ZSCAN25: variants seen among roughly 807,000 people sequenced by gnomAD.
The protein encoded by ZSCAN25 is zinc finger and SCAN domain-containing protein 25.
In ZSCAN25, 27 loss-of-function variants were observed where a neutral mutation model predicts 38.7. The observed-to-expected ratio is 0.70, with a 90% CI of 0.51 to 0.96. The LOEUF is 0.96. Ranked by LOEUF, ZSCAN25 falls within the 40% of genes least tolerant of loss-of-function variation. ZSCAN25 has a pLI of 0.00. For synonymous variants in ZSCAN25, 273 were observed against 277.7 expected, an observed-to-expected ratio of 0.98 and a Z score of 0.17; for missense variants, 637 against 705.9, an observed-to-expected ratio of 0.90 and a Z score of 1.11.
the ZSCAN25 span, among the ~76,000 whole-genome samples, chr7:99,688,485 G>A: frequency 1.3e-5 from 2 of 152,112 alleles, no homozygotes; most frequent in African/African-American, 4.8e-5. Context: ...TCCTAAATAT[G>A]TATGCACCCA....
At chr7:99,672,492 T>C in the ZSCAN25 span, 1 of 1,172,478 alleles carries the variant, frequency 8.5e-7, no homozygotes, top group Non-Finnish European at 1.3e-6. Context: ...ATTTTTTAGG[T>C]AACCTTCTGT....
At chr7:99,680,015 TGAAA>T in the ZSCAN25 span, 1 of 861,204 alleles carries the variant, frequency 1.2e-6, no homozygotes, top group South Asian at 1.4e-5. Context: ...GCCAAGCTGC[TGAAA>T]GATTTATGTG....
chr7:99,624,399 G>A, intron 7 of ZSCAN25: 1 of 577,570 alleles, frequency 1.7e-6, no homozygotes, highest in Non-Finnish European at 3.1e-6. Flanking sequence ...TATTCTGGCT[G>A]TATGGAGACA....
intron 7 of ZSCAN25, among the ~76,000 whole-genome samples, chr7:99,626,004 G>A (rs1807436559): frequency 3.9e-5 from 6 of 152,226 alleles, no homozygotes; most frequent in Admixed American, 3.3e-4. Context: ...TGCTTCACCT[G>A]TAAAGAGACT....
the ZSCAN25 span, chr7:99,664,179 A>G: frequency 9.1e-7 from 1 of 1,098,410 alleles, no homozygotes; most frequent in Non-Finnish European, 1.3e-6. Context: ...TCTACCAGTA[A>G]TAAGAATAAG....
the ZSCAN25 span, among the ~76,000 whole-genome samples, chr7:99,677,949 T>G: frequency 3.6e-4 from 55 of 152,366 alleles, no homozygotes; most frequent in Non-Finnish European, 7.3e-4. Context: ...TCAAGGCAGA[T>G]GCTGTGCTGG....
chr7:99,653,249 G>A, the ZSCAN25 span, among the ~76,000 whole-genome samples: 1 of 152,262 alleles, frequency 6.6e-6, no homozygotes, highest in East Asian at 1.9e-4. This position sits in a 1 kb window ranked among gnomAD's most constrained non-coding sequence, Gnocchi z 4.2. Flanking sequence ...TGAGGAGTTT[G>A]AGACCAGCTT....
chr7:99,670,335 A>T, the ZSCAN25 span, among the ~76,000 whole-genome samples: 2 of 152,224 alleles, frequency 1.3e-5, no homozygotes, highest in East Asian at 3.8e-4. Context: ...TCAAACCATA[A>T]CAGCATTCCA....
chr7:99,624,207 G>A (rs1281133671), intron 7 of ZSCAN25, 27 bp downstream of exon 7: 2 of 1,612,730 alleles, frequency 1.2e-6, no homozygotes, highest in Admixed American at 3.3e-5. Context: ...CCACAGGTGA[G>A]GAACTGGGGA....
the ZSCAN25 span, chr7:99,715,832 G>A: frequency 6.2e-7 from 1 of 1,613,922 alleles, no homozygotes; most frequent in Non-Finnish European, 8.5e-7. Flanking sequence ...GGGGTCTTGT[G>A]GATTGTTGAG....
chr7:99,694,723 C>T, the ZSCAN25 span, among the ~76,000 whole-genome samples: 2 of 150,848 alleles, frequency 1.3e-5, no homozygotes, highest in East Asian at 3.9e-4. Context: ...ATCAGGGAAA[C>T]AAGCCTCAGG....
the ZSCAN25 span, chr7:99,709,236 A>G: frequency 5.0e-6 from 8 of 1,613,878 alleles, no homozygotes; most frequent in South Asian, 1.1e-5. Flanking sequence ...CTCCAACTGT[A>G]GCACAGTATC....
the ZSCAN25 span, among the ~76,000 whole-genome samples, chr7:99,657,589 T>G: frequency 6.6e-6 from 1 of 152,208 alleles, no homozygotes; most frequent in Non-Finnish European, 1.5e-5. Flanking sequence ...TCTGTAGATG[T>G]CTATTATGTC....
the ZSCAN25 span, among the ~76,000 whole-genome samples, chr7:99,667,718 G>A: frequency 6.6e-6 from 1 of 152,112 alleles, no homozygotes. Flanking sequence ...CCACAACTAT[G>A]TTTTGTTTTA....
intron 7 of ZSCAN25, among the ~76,000 whole-genome samples, chr7:99,625,835 C>T (rs1807420974): frequency 6.6e-6 from 1 of 152,224 alleles, no homozygotes; most frequent in Non-Finnish European, 1.5e-5. Context: ...CTCAGAGCAA[C>T]TCAAGCCCAT....
the ZSCAN25 span, chr7:99,677,359 A>C: frequency 1.8e-6 from 1 of 545,392 alleles, no homozygotes; most frequent in Non-Finnish European, 2.3e-6. Flanking sequence ...GAAAAAGATG[A>C]TGTGCATAAA....
chr7:99,709,466 GCA>G, the ZSCAN25 span, among the ~76,000 whole-genome samples: 1 of 152,104 alleles, frequency 6.6e-6, no homozygotes. Context: ...AGTTATGAAA[GCA>G]GGAGACATTC....
the ZSCAN25 span, among the ~76,000 whole-genome samples, chr7:99,642,691 A>AT: frequency 1.3e-5 from 2 of 152,086 alleles, no homozygotes; most frequent in Non-Finnish European, 2.9e-5. Context: ...ACGTAGATTT[A>AT]TTTTTCTTTG....
the ZSCAN25 span, chr7:99,715,523 T>C: frequency 7.1e-4 from 429 of 600,936 alleles, no homozygotes; most frequent in Middle Eastern, 9.6e-4. Context: ...TGACTAGTGG[T>C]TATATACGAC....
Sources: allele counts gnomAD v4.1 joint callset (sites outside exome capture counted in the v4.1 genomes callset), GRCh38; gene constraint gnomAD v4.1.1; non-coding constraint Gnocchi (gnomAD v3.1); transcripts MANE v1.5; gene names NCBI Gene and HGNC (gene_info 2026-07-23, HGNC 2026-07-21).